The following BLK variants were observed in gnomAD, a reference collection of about 807,000 sequenced individuals.
The protein encoded by BLK is tyrosine-protein kinase Blk.
In BLK, 64 loss-of-function variants were observed where a neutral mutation model predicts 61.8. The ratio of observed to expected loss-of-function variants is 1.03; its 90% CI spans 0.85 to 1.27. The LOEUF (loss-of-function observed/expected upper bound fraction) is 1.27. Ranked by LOEUF, BLK falls within the 50% of genes most tolerant of loss-of-function variation. BLK has a pLI of 0.00. For missense variants in BLK, 853 were observed against 660.5 expected, an observed-to-expected ratio of 1.29 and a Z score of -3.19; for synonymous variants, 351 against 272.0, an observed-to-expected ratio of 1.29 and a Z score of -2.86.
chr8:11,516,267 A>T (rs1467199884), intron 1 of BLK, among the ~76,000 whole-genome samples: 1 of 152,206 alleles, frequency 6.6e-6, no homozygotes, highest in Non-Finnish European at 1.5e-5. Context: ...TTTCTCACTG[A>T]CAGCCACAGT....
rs779324344 is a variant in BLK, at chr8:11,563,028, G to A, written c.1230G>A (p.Gly410=). 4 of 1,614,152 alleles carry A rather than the reference G, an allele frequency of 2.5e-6. No individual in the cohort carries two copies. In the East Asian group the frequency reaches 6.7e-5, roughly 27 times the overall value. ...CAGCCCCGGAAGCCATCCACTTCGGGGTCTTCACCATCAAAGCAGACGTGT... is the reference window on the plus strand; with the variant it reads ...CAGCCCCGGAAGCCATCCACTTCGGAGTCTTCACCATCAAAGCAGACGTGT... The part of the protein sequence containing the change: ...KWTAPEAIHF[G]VFTIKADVWS... Residue 410 remains glycine, a synonymous_variant, in exon 12 of 13, where the codon GGG becomes GGA. Transcript: ENST00000259089.
At chr8:11,541,942 G>A (rs1405385969) in intron 1 of BLK, among the ~76,000 whole-genome samples, 3 of 152,286 alleles carry the variant, frequency 2.0e-5, no homozygotes, top group African/African-American at 7.2e-5. Flanking sequence ...AAAAGTGTTG[G>A]TCTTTAAAAC....
chr8:11,495,481 T>G (rs2117220521), intron 1 of BLK, among the ~76,000 whole-genome samples: 1 of 152,314 alleles, frequency 6.6e-6, no homozygotes, highest in East Asian at 1.9e-4. Flanking sequence ...GGACCAAGCT[T>G]AGCATCACCG....
Position 11,564,570 on chromosome 8 carries a change from C to T in BLK, c.*462C>T. 3 of 437,700 alleles carry T rather than the reference C, an allele frequency of 6.9e-6. No individual in the cohort carries two copies. The highest frequency in any genetic ancestry group is 1.4e-5 in the Non-Finnish European group (3 of 217,912). The allele number at this position is 437,700 out of a possible 1,614,324, so 27.1% of individuals were successfully genotyped here. ...TAGGCTGCGCTCCAGCACTGCGGGG[C>T]TTTTCTGCAATAAAGTCACGAGCGT... On this transcript the variant is annotated 3_prime_UTR_variant, in exon 13 of 13. Coordinates refer to ENST00000259089, the MANE Select transcript of BLK (RefSeq NM_001715.3).
intron 10 of BLK, chr8:11,559,984 T>A (rs10098664): frequency 2.7e-6 from 1 of 369,820 alleles, no homozygotes; most frequent in East Asian, 7.2e-5. Context: ...TCTGGTACTG[T>A]TCAATAAATA....
intron 10 of BLK, chr8:11,559,066 T>G: frequency 2.2e-6 from 1 of 450,740 alleles, no homozygotes; most frequent in Non-Finnish European, 4.5e-6. Context: ...GCTGCTTCCT[T>G]TCCCCTTCCT....
rs1297108848 is a variant in BLK, at chr8:11,518,335, TG to T, written c.-2+23745del. ...GAATACGCACTTTCGTGTGAGTTTT[TG>T]CAATGCATTCACTTTTTTAGAAAAC... On this transcript the variant is annotated intron_variant, in intron 1 of 12. Coordinates refer to ENST00000259089, the MANE Select transcript of BLK (RefSeq NM_001715.3). 2.6e-5 allele frequency among the ~76,000 whole-genome samples: 4 copies of T among 152,326 alleles called. No homozygotes were observed. The South Asian group carries it at 6.2e-4, about 24-fold the overall frequency.
At chr8:11,505,119 G>C (rs756978999) in intron 1 of BLK, among the ~76,000 whole-genome samples, 4 of 152,058 alleles carry the variant, frequency 2.6e-5, no homozygotes, top group African/African-American at 4.8e-5. Context: ...CACACATACA[G>C]GTACATCTAC....
chr8:11,527,869 C>T (rs1224188415), intron 1 of BLK, among the ~76,000 whole-genome samples: 1 of 151,986 alleles, frequency 6.6e-6, no homozygotes, highest in African/African-American at 2.4e-5. Context: ...ATCTTGTGAC[C>T]TCTGGCCACA....
At chr8:11,523,357 C>G (rs1293954123) in intron 1 of BLK, among the ~76,000 whole-genome samples, 1 of 152,116 alleles carries the variant, frequency 6.6e-6, no homozygotes, top group East Asian at 1.9e-4. Flanking sequence ...TGTTTGAGTA[C>G]AGCATGGCGA....
At chr8:11,529,549 G>A (rs531955686) in intron 1 of BLK, among the ~76,000 whole-genome samples, 45 of 152,252 alleles carry the variant, frequency 3.0e-4, no homozygotes, top group Admixed American at 1.2e-3. Flanking sequence ...GCAGTTTGGG[G>A]GGTGGGAGAT....
chr8:11,530,300 G>C (rs1280817093), intron 1 of BLK, among the ~76,000 whole-genome samples: 3 of 152,184 alleles, frequency 2.0e-5, no homozygotes, highest in Non-Finnish European at 4.4e-5. Flanking sequence ...TCCCAACAAA[G>C]CTTGGAGTTC....
At chr8:11,522,824 AT>A (rs1799508391) in intron 1 of BLK, among the ~76,000 whole-genome samples, 1 of 152,224 alleles carries the variant, frequency 6.6e-6, no homozygotes, top group Non-Finnish European at 1.5e-5. Context: ...AGCAATATAT[AT>A]TGTTTATAAT....
chr8:11,516,593 C>G (rs1234368760), intron 1 of BLK, among the ~76,000 whole-genome samples: 3 of 152,196 alleles, frequency 2.0e-5, no homozygotes, highest in Non-Finnish European at 4.4e-5. Context: ...CTCCCCGACC[C>G]AGCCCCCAGC....
At chr8:11,538,473 A>T (rs1421584575) in intron 1 of BLK, among the ~76,000 whole-genome samples, 1 of 152,222 alleles carries the variant, frequency 6.6e-6, no homozygotes, top group East Asian at 1.9e-4. Flanking sequence ...CTGCACACAC[A>T]CTGCTAAGGA....
chr8:11,501,520 C>T (rs961401122), intron 1 of BLK, among the ~76,000 whole-genome samples: 1 of 152,032 alleles, frequency 6.6e-6, no homozygotes, highest in African/African-American at 2.4e-5. Flanking sequence ...TCCTGGTAAA[C>T]GTTTAACAAC....
At chr8:11,497,403 T>C (rs1386344575) in intron 1 of BLK, among the ~76,000 whole-genome samples, 1 of 152,158 alleles carries the variant, frequency 6.6e-6, no homozygotes, top group African/African-American at 2.4e-5. Context: ...GCATTTGCTC[T>C]GACGTCCAGG....
At chr8:11,499,223 A>G (rs1209771170) in intron 1 of BLK, among the ~76,000 whole-genome samples, 1 of 152,216 alleles carries the variant, frequency 6.6e-6, no homozygotes, top group Non-Finnish European at 1.5e-5. Context: ...AGTATTTAGT[A>G]CAGTCGCAGG....
At chr8:11,549,810 C>G (rs911634687) in intron 5 of BLK, among the ~76,000 whole-genome samples, 1 of 152,248 alleles carries the variant, frequency 6.6e-6, no homozygotes, top group African/African-American at 2.4e-5. Context: ...TAATTCAGAT[C>G]TCAGACTGCA....
Sources: allele counts gnomAD v4.1 joint callset (sites outside exome capture counted in the v4.1 genomes callset), GRCh38; gene constraint gnomAD v4.1.1; transcripts MANE v1.5; gene names NCBI Gene and HGNC (gene_info 2026-07-23, HGNC 2026-07-21).